TBC1D1: variants seen among roughly 807,000 people sequenced by gnomAD.
TBC1D1 encodes the protein TBC1 domain family member 1.
A neutral mutation model predicts 125.6 loss-of-function variants in TBC1D1; 89 were observed. The observed-to-expected ratio is 0.71, with a 90% confidence interval of 0.60 to 0.85. The LOEUF is 0.85. Ranked by LOEUF, TBC1D1 falls within the 40% of genes least tolerant of loss-of-function variation. TBC1D1 has a pLI of 0.00. For synonymous variants in TBC1D1, 565 were observed against 564.1 expected, an observed-to-expected ratio of 1.00 and a Z score of -0.02; for missense variants, 1,377 against 1,469.2, an observed-to-expected ratio of 0.94 and a Z score of 1.03.
In TBC1D1 at chr4:38,054,328, C is replaced by T; in HGVS notation, c.2040C>T (p.Ser680=). 1 of 1,614,098 alleles carries T rather than the reference C, an allele frequency of 6.2e-7. No individual in the cohort carries two copies. Among genetic ancestry groups the T allele is most frequent in the Non-Finnish European group, 8.5e-7 (1 of 1,180,002 alleles). The stretch of plus-strand genomic sequence containing the variant: ...CGCAGAAGGCGTGCGATTCTTCCAG[C>T]AGATATGAAGGTAAGGCCGGTACCT... Residue 680 remains serine (S), a synonymous_variant, in exon 12 of 20, where the codon AGC becomes AGT. Transcript: ENST00000261439.
intron 2 of TBC1D1, among the ~76,000 whole-genome samples, chr4:38,006,525 C>CTGGA (rs1220513105): frequency 7.7e-6 from 1 of 129,824 alleles, no homozygotes; most frequent in Non-Finnish European, 1.5e-5. Flanking sequence ...GTCACCCAGG[C>CTGGA]TGGAGTGCAG....
chr4:37,999,721 C>T (rs1272806061), intron 2 of TBC1D1, among the ~76,000 whole-genome samples: 2 of 152,176 alleles, frequency 1.3e-5, no homozygotes, highest in Non-Finnish European at 2.9e-5. Context: ...CACTTGCCTG[C>T]AGTGGTTGTC....
rs114758342 is a variant in TBC1D1 at position 37,954,577 on chromosome 4, G to T, written c.417+52065G>T. On this transcript the variant is annotated intron_variant, in intron 2 of 19. Coordinates refer to ENST00000261439, the MANE Select transcript of TBC1D1 (RefSeq NM_015173.4). Reference sequence around the variant, plus strand: ...AGGTAGGTTGAGGCCAGATTTGGAAGGGTCTTGGAAGTCATGTCAAGAATG... The same window carrying T: ...AGGTAGGTTGAGGCCAGATTTGGAATGGTCTTGGAAGTCATGTCAAGAATG... Among the ~76,000 whole-genome samples, 801 of 152,274 alleles carry T rather than the reference G, an allele frequency of 5.3e-3. 8 individuals carry two copies. Among genetic ancestry groups the T allele is most frequent in the African/African-American group, 0.018 (759 of 41,542 alleles).
chr4:38,103,274 T>C (rs1031939646), intron 15 of TBC1D1, 117 bp downstream of exon 17: 2 of 1,031,930 alleles, frequency 1.9e-6, no homozygotes, highest in Non-Finnish European at 2.8e-6. Flanking sequence ...CAAAATTTAC[T>C]ACTGAGACTT....
intron 17 of TBC1D1, among the ~76,000 whole-genome samples, chr4:38,123,308 G>A (rs2152607301): frequency 6.6e-6 from 1 of 152,336 alleles, no homozygotes; most frequent in South Asian, 2.1e-4. Flanking sequence ...GGTCTAGGAA[G>A]TCTCACTGTG....
chr4:37,972,904 A>AG (rs1491107058), intron 2 of TBC1D1, among the ~76,000 whole-genome samples: 1 of 33,378 alleles, frequency 3.0e-5, no homozygotes, highest in African/African-American at 7.5e-5. Flanking sequence ...CTCCATCTCC[A>AG]AAAAAAAAAA....
At chr4:38,072,412 G>GA (rs1196237553) in intron 12 of TBC1D1, among the ~76,000 whole-genome samples, 1 of 152,120 alleles carries the variant, frequency 6.6e-6, no homozygotes, top group Non-Finnish European at 1.5e-5. Flanking sequence ...TTTGGCCTGT[G>GA]GCCTTTTGTT....
chr4:37,917,054 A>C (rs1365382597), intron 2 of TBC1D1, among the ~76,000 whole-genome samples: 1 of 151,374 alleles, frequency 6.6e-6, no homozygotes, highest in Non-Finnish European at 1.5e-5. Context: ...TACAGGCGTG[A>C]GGCACCATGC....
chr4:37,943,759 G>A (rs1726067684), intron 2 of TBC1D1, among the ~76,000 whole-genome samples: 1 of 152,090 alleles, frequency 6.6e-6, no homozygotes, highest in Admixed American at 6.6e-5. Flanking sequence ...AAGGTTTTTA[G>A]CTTCTTTGCG....
At chr4:38,053,423 C>T (rs946225794) in intron 11 of TBC1D1, among the ~76,000 whole-genome samples, 198 bp downstream of exon 13, 5 of 152,112 alleles carry the variant, frequency 3.3e-5, no homozygotes, top group African/African-American at 4.8e-5. Context: ...CTAGTTTTGA[C>T]GAGGATTAGT....
At chr4:38,114,548 G>A (rs1392758325) in intron 15 of TBC1D1, among the ~76,000 whole-genome samples, 1 of 152,152 alleles carries the variant, frequency 6.6e-6, no homozygotes, top group African/African-American at 2.4e-5. Context: ...ATTCTTGCCT[G>A]GGCCCAAGCT....
intron 2 of TBC1D1, among the ~76,000 whole-genome samples, chr4:37,991,108 C>G (rs950265681): frequency 6.6e-6 from 1 of 152,060 alleles, no homozygotes; most frequent in Non-Finnish European, 1.5e-5. Context: ...GTCAGCCTGC[C>G]AGAAAGCAGG....
intron 2 of TBC1D1, among the ~76,000 whole-genome samples, chr4:37,989,613 G>A (rs1736143673): frequency 6.6e-6 from 1 of 152,134 alleles, no homozygotes; most frequent in Non-Finnish European, 1.5e-5. Flanking sequence ...TCTTTCTGTT[G>A]TTCTAGCACA....
At chr4:38,000,973 C>T (rs1738935290) in intron 2 of TBC1D1, among the ~76,000 whole-genome samples, 1 of 152,186 alleles carries the variant, frequency 6.6e-6, no homozygotes, top group Non-Finnish European at 1.5e-5. Flanking sequence ...GTAATCCCAG[C>T]ACTTTGGGAG....
intron 12 of TBC1D1, among the ~76,000 whole-genome samples, chr4:38,069,111 CAGA>C (rs1359372010): frequency 1.3e-5 from 2 of 152,130 alleles, no homozygotes; most frequent in South Asian, 2.1e-4. Flanking sequence ...CCTTGTTTTG[CAGA>C]AGAAGAAATA....
intron 17 of TBC1D1, among the ~76,000 whole-genome samples, chr4:38,122,833 T>C (rs1764070722): frequency 1.3e-5 from 2 of 152,186 alleles, no homozygotes; most frequent in Non-Finnish European, 2.9e-5. Context: ...ACAGATATAA[T>C]AAAATAAATC....
chr4:38,079,611 CAGCTACTTGGG>C (rs556449975), intron 12 of TBC1D1, among the ~76,000 whole-genome samples: 96 of 152,160 alleles, frequency 6.3e-4, no homozygotes, highest in African/African-American at 1.9e-3. Flanking sequence ...CCCATAATTG[CAGCTACTTGGG>C]AGGCTGAGGC....
chr4:38,069,439 A>G (rs1754313474), intron 12 of TBC1D1, among the ~76,000 whole-genome samples: 1 of 152,230 alleles, frequency 6.6e-6, no homozygotes, highest in African/African-American at 2.4e-5. Context: ...GCAAGAAACA[A>G]AAAAATGACT....
chr4:37,986,060 A>G (rs1375223797), intron 2 of TBC1D1, among the ~76,000 whole-genome samples: 1 of 152,270 alleles, frequency 6.6e-6, no homozygotes. Context: ...ACATCAGTAT[A>G]AATAAATTAC....
Sources: gnomAD v4.1 joint callset for allele counts (sites outside exome capture counted in the v4.1 genomes callset) on GRCh38, gnomAD v4.1.1 for gene constraint, MANE v1.5 for transcripts, NCBI Gene and HGNC (gene_info 2026-07-23, HGNC 2026-07-21) for gene names.